Variants in CASTOR2 observed in about 807,000 individuals in gnomAD.
The protein encoded by CASTOR2 is GATS protein like 2.
CASTOR2 carries 8 observed loss-of-function variants against 31.2 expected under a neutral mutation model. The observed-to-expected ratio is 0.26, with a 90% confidence interval of 0.15 to 0.46. CASTOR2 has a LOEUF of 0.46. Ranked by LOEUF, CASTOR2 falls within the 20% of genes least tolerant of loss-of-function variation. The pLI is 0.99. For synonymous variants in CASTOR2, 162 were observed against 158.7 expected (o/e 1.02, Z -0.16); for missense variants, 216 against 382.1 (o/e 0.57, Z 3.62).
chr7:75,027,953 G>A lies in CASTOR2; in HGVS notation c.*3254G>A. 1 of 1,432,380 alleles carries A rather than the reference G, an allele frequency of 7.0e-7. No homozygotes were observed. Among genetic ancestry groups the A allele is most frequent in the African/African-American group, 1.4e-5 (1 of 70,840 alleles). The allele number at this position is 1,432,380 out of a possible 1,614,324, so 88.7% of individuals were successfully genotyped here. ...CCAGGCCCCAGACCCCACTTGGAGG[G>A]GCATGTGTTTCTCAGAGGGGCTCCA... On this transcript the variant is annotated 3_prime_UTR_variant, in exon 9 of 9. Transcript: ENST00000616305.
At chr7:75,018,327 G>A (rs1392659565) in intron 4 of CASTOR2, among the ~76,000 whole-genome samples, 1 of 152,090 alleles carries the variant, frequency 6.6e-6, no homozygotes, top group African/African-American at 2.4e-5. Context: ...TTCACCTGAG[G>A]TCAGGAGTTT....
intron 1 of CASTOR2, among the ~76,000 whole-genome samples, chr7:74,985,047 G>A (rs1804031280): frequency 1.3e-5 from 2 of 152,282 alleles, no homozygotes; most frequent in African/African-American, 4.8e-5. Context: ...TGAGACATAA[G>A]AATCATTTGA....
intron 2 of CASTOR2, among the ~76,000 whole-genome samples, chr7:75,012,949 C>T (rs1437445866): frequency 6.6e-6 from 1 of 152,186 alleles, no homozygotes; most frequent in East Asian, 1.9e-4. Flanking sequence ...GCACAGCCCA[C>T]TGGCTAGTTT....
intron 1 of CASTOR2, among the ~76,000 whole-genome samples, chr7:74,969,083 G>A (rs1207573814): frequency 7.5e-5 from 1 of 13,402 alleles, no homozygotes; most frequent in Non-Finnish European, 1.2e-4. Flanking sequence ...TGATAGATCC[G>A]GGATTTAAAT....
At chr7:75,006,061 C>CGGA (rs1804599307) in intron 1 of CASTOR2, among the ~76,000 whole-genome samples, 1 of 152,122 alleles carries the variant, frequency 6.6e-6, no homozygotes, top group African/African-American at 2.4e-5. Flanking sequence ...ACCTGGGAGG[C>CGGA]GGAGGTTGCA....
chr7:75,005,649 A>G (rs1804590159), intron 1 of CASTOR2, among the ~76,000 whole-genome samples: 1 of 152,238 alleles, frequency 6.6e-6, no homozygotes, highest in Non-Finnish European at 1.5e-5. Flanking sequence ...ATGAATACCC[A>G]GGAGCAGGAT....
At chr7:74,976,713 TC>T (rs1237674660) in intron 1 of CASTOR2, among the ~76,000 whole-genome samples, 1 of 127,518 alleles carries the variant, frequency 7.8e-6, no homozygotes, top group Non-Finnish European at 1.6e-5. Context: ...GGCTTCAGCA[TC>T]CTCTCCTCCA....
At chr7:75,003,078 G>A (rs1804532468) in intron 1 of CASTOR2, among the ~76,000 whole-genome samples, 1 of 152,148 alleles carries the variant, frequency 6.6e-6, no homozygotes, top group Non-Finnish European at 1.5e-5. Context: ...GCAAGGACAG[G>A]AGGGTTAAGC....
intron 1 of CASTOR2, among the ~76,000 whole-genome samples, chr7:74,973,318 A>G (rs1408739623): frequency 6.8e-6 from 1 of 147,538 alleles, no homozygotes; most frequent in African/African-American, 2.5e-5. Flanking sequence ...CTGGTCCACT[A>G]GAAGCTCCAG....
chr7:75,019,031 C>T lies in CASTOR2; in HGVS notation c.571C>T (p.Leu191=). Residue 191 remains leucine (L), a synonymous_variant, in exon 5 of 9, where the codon CTG becomes TTG. Coordinates refer to ENST00000616305, the MANE Select transcript of CASTOR2 (RefSeq NM_001145064.3). ...SPSNRFCVTS[L]DPDTLPAVAT... ...GAGCAACAGGTTCTGTGTCACCAGC[C>T]TGGACCCTGACACGCTGCCTGCTGT... The T allele has an allele frequency of 6.4e-7, 1 of 1,551,974 alleles. No individual in the cohort carries two copies. Among genetic ancestry groups the T allele is most frequent in the Non-Finnish European group, 8.7e-7 (1 of 1,147,066 alleles).
Position 75,024,767 on chromosome 7 carries a change from G to GT in CASTOR2, c.*69dup. The GT allele has an allele frequency of 6.4e-7, 1 of 1,551,342 alleles. No individual in the cohort carries two copies. The highest frequency in any genetic ancestry group is 8.7e-7 in the Non-Finnish European group (1 of 1,146,822). ...CCTAACCCTGAAGATTGATCTTGCAGTATTTCTCTACAGACTGGAAAATCA... is the reference window on the plus strand; with the variant it reads ...CCTAACCCTGAAGATTGATCTTGCAGTTATTTCTCTACAGACTGGAAAATCA... On this transcript the variant is annotated 3_prime_UTR_variant, in exon 9 of 9. Transcript: ENST00000616305.
intron 7 of CASTOR2, among the ~76,000 whole-genome samples, chr7:75,022,241 G>A (rs1223223084): frequency 4.6e-5 from 7 of 152,192 alleles, no homozygotes; most frequent in South Asian, 4.1e-4. Context: ...GCGGTGGCTC[G>A]TGCTTGTAAT....
rs1038124238 is a variant in CASTOR2 at position 75,024,665 on chromosome 7, G to C, written c.956G>C (p.Ser319Thr). 129 of 1,551,664 alleles carry C rather than the reference G, an allele frequency of 8.3e-5. No homozygotes were observed. The African/African-American group carries it at 1.5e-3, about 18-fold the overall frequency. The change falls in exon 9 of 9, where the codon AGT (serine) becomes ACT (threonine). Residue 319 changes from serine to threonine, a missense_variant. Transcript: ENST00000616305. ...VPEENINGVI[S>T]ALKVSQAEKH ...GAAGAGAACATCAATGGTGTCATCAGTGCCCTGAAGGTCAGCCAAGCAGAG... is the reference window on the plus strand; with the variant it reads ...GAAGAGAACATCAATGGTGTCATCACTGCCCTGAAGGTCAGCCAAGCAGAG...
chr7:75,024,754 G>A lies in CASTOR2; in HGVS notation c.*55G>A. The stretch of plus-strand genomic sequence containing the variant: ...GCCCGGGCCCAGCCCTAACCCTGAA[G>A]ATTGATCTTGCAGTATTTCTCTACA... On this transcript the variant is annotated 3_prime_UTR_variant, in exon 9 of 9. Coordinates refer to ENST00000616305, the MANE Select transcript of CASTOR2 (RefSeq NM_001145064.3). 1 of 1,551,472 alleles carries A rather than the reference G, an allele frequency of 6.4e-7. No individual in the cohort carries two copies. The highest frequency in any genetic ancestry group is 1.4e-5 in the African/African-American group (1 of 73,160).
At chr7:75,011,748 CA>C (rs1295227887) in intron 2 of CASTOR2, among the ~76,000 whole-genome samples, 19 of 109,810 alleles carry the variant, frequency 1.7e-4, no homozygotes, top group East Asian at 2.6e-4. Flanking sequence ...AAAAAAAAAC[CA>C]AAAAAAAAAG....
intron 1 of CASTOR2, among the ~76,000 whole-genome samples, chr7:74,970,755 C>G (rs1803659955): frequency 8.7e-6 from 1 of 115,000 alleles, no homozygotes. Context: ...CAAAGCAAGA[C>G]CCCATCTCCA....
Position 75,003,543 on chromosome 7 carries a change from G to A in CASTOR2, c.114-4451G>A, listed in dbSNP as rs1431415949. ...AGGCGGGCAGATCACGAGGTCAGGAGATCGAGACCATCCTGGCTAACACGA... is the reference window on the plus strand; with the variant it reads ...AGGCGGGCAGATCACGAGGTCAGGAAATCGAGACCATCCTGGCTAACACGA... On this transcript the variant is annotated intron_variant, in intron 1 of 8. Transcript: ENST00000616305. Among the ~76,000 whole-genome samples, 20 of 152,202 alleles carry A rather than the reference G, an allele frequency of 1.3e-4. No homozygotes were observed. In the East Asian group the frequency reaches 3.7e-3, roughly 28 times the overall value.
intron 2 of CASTOR2, among the ~76,000 whole-genome samples, chr7:75,013,532 A>G (rs1427386797): frequency 6.6e-6 from 1 of 151,768 alleles, no homozygotes; most frequent in Admixed American, 6.6e-5. Context: ...GGTCCCAGCT[A>G]CTCGGTGGGC....
rs1208315330 is a variant in CASTOR2 at position 75,029,359 on chromosome 7, G to T, written c.*4660G>T. The stretch of plus-strand genomic sequence containing the variant: ...GAGCACCTCAGCCCTGCAATGGGGG[G>T]ATCTTTTTTTTTTTTTTTTTTTGAG... On this transcript the variant is annotated 3_prime_UTR_variant, in exon 9 of 9. Coordinates refer to ENST00000616305, the MANE Select transcript of CASTOR2 (RefSeq NM_001145064.3). 2.0e-5 allele frequency among the ~76,000 whole-genome samples: 3 copies of T among 147,340 alleles called. No homozygotes were observed. Among genetic ancestry groups the T allele is most frequent in the Non-Finnish European group, 4.5e-5 (3 of 66,894 alleles).
Sources: allele counts gnomAD v4.1 joint callset (sites outside exome capture counted in the v4.1 genomes callset), GRCh38; gene constraint gnomAD v4.1.1; transcripts MANE v1.5; gene names NCBI Gene and HGNC (gene_info 2026-07-23, HGNC 2026-07-21).